RAD51B: variants seen among roughly 807,000 people sequenced by gnomAD.
The protein encoded by RAD51B is RAD51 paralog B, also known as DNA repair protein RAD51 homolog 2.
RAD51B carries 38 observed loss-of-function variants against 42.2 expected under a neutral mutation model. That is an observed-to-expected ratio of 0.90 (90% CI 0.70 to 1.18). The LOEUF (loss-of-function observed/expected upper bound fraction) is 1.18, where lower values mean the gene tolerates loss of function less well. RAD51B is among the 50% of genes most tolerant of loss of function. The pLI is 0.00. For missense variants in RAD51B, 373 were observed against 400.7 expected (o/e 0.93, Z 0.59); for synonymous variants, 154 against 145.2 (o/e 1.06, Z -0.43).
chr14:68,029,809 C>T (rs901451088), intron 7 of RAD51B, among the ~76,000 whole-genome samples: 3 of 152,154 alleles, frequency 2.0e-5, no homozygotes, highest in Admixed American at 2.0e-4. Flanking sequence ...GTATCTGTGG[C>T]ACTTACAGCC....
Position 68,074,348 on chromosome 14 carries a change from T to A in RAD51B, c.756+187144T>A, listed in dbSNP as rs185627613. 3.0e-3 allele frequency among the ~76,000 whole-genome samples: 451 copies of A among 150,160 alleles called. 2 individuals are homozygous for A. Among genetic ancestry groups the A allele is most frequent in the African/African-American group, 0.011 (433 of 39,466 alleles). On this transcript the variant is annotated intron_variant, in intron 7 of 10. Coordinates refer to ENST00000471583, the MANE Select transcript of RAD51B (RefSeq NM_133510.4). ...TACTTCCCTTTGTGTTATGAAAATC[T>A]TGTAGTGAGTTTTTCAGCTTTATCA...
intron 9 of RAD51B, among the ~76,000 whole-genome samples, chr14:68,445,810 C>T (rs1453541770): frequency 1.3e-5 from 2 of 152,154 alleles, no homozygotes; most frequent in Admixed American, 1.3e-4. Flanking sequence ...AGCAGGTATA[C>T]AGAAAGTGAT....
At chr14:68,180,531 G>A (rs959412597) in intron 7 of RAD51B, among the ~76,000 whole-genome samples, 3 of 152,108 alleles carry the variant, frequency 2.0e-5, no homozygotes, top group Non-Finnish European at 1.5e-5. Flanking sequence ...GCACGATAAG[G>A]TTATATATTT....
intron 10 of RAD51B, among the ~76,000 whole-genome samples, chr14:68,509,291 G>T (rs78505310): frequency 0.035 from 5,276 of 152,316 alleles, 288 homozygotes; most frequent in African/African-American, 0.12. Flanking sequence ...AGGGAGCATT[G>T]CCATGTTAAA....
chr14:68,072,216 A>ATATATATATG (rs2076763330), intron 7 of RAD51B, among the ~76,000 whole-genome samples: 1 of 143,234 alleles, frequency 7.0e-6, no homozygotes, highest in Non-Finnish European at 1.5e-5. Context: ...GGTTTTATAT[A>ATATATATATG]TATATATAAA....
At chr14:68,606,159 G>A (rs1452797862) in intron 10 of RAD51B, among the ~76,000 whole-genome samples, 1 of 152,240 alleles carries the variant, frequency 6.6e-6, no homozygotes. Context: ...GTGATTCTAA[G>A]GTGCAGCCTA....
At chr14:68,493,026 A>C (rs1045376521) in intron 10 of RAD51B, among the ~76,000 whole-genome samples, 2 of 152,088 alleles carry the variant, frequency 1.3e-5, no homozygotes, top group Non-Finnish European at 2.9e-5. Context: ...CATCCCTCCG[A>C]GCTTCCCTGA....
intron 7 of RAD51B, among the ~76,000 whole-genome samples, chr14:68,040,323 A>T (rs952427446): frequency 2.6e-5 from 4 of 152,202 alleles, no homozygotes; most frequent in Non-Finnish European, 5.9e-5. Context: ...ACTGAGTATC[A>T]TCCTCACCAT....
intron 7 of RAD51B, among the ~76,000 whole-genome samples, chr14:68,238,980 C>G (rs1167221535): frequency 6.6e-5 from 10 of 152,196 alleles, no homozygotes; most frequent in African/African-American, 2.4e-4. Context: ...TCAGGAGACA[C>G]TAGTTCTACA....
chr14:68,066,431 T>C (rs1234743367), intron 7 of RAD51B, among the ~76,000 whole-genome samples: 1 of 152,214 alleles, frequency 6.6e-6, no homozygotes, highest in Admixed American at 6.5e-5. Flanking sequence ...ATCCTATTTT[T>C]AAACTAACAT....
chr14:67,998,917 G>T (rs1027543681), intron 7 of RAD51B, among the ~76,000 whole-genome samples: 2 of 152,128 alleles, frequency 1.3e-5, no homozygotes, highest in Admixed American at 6.6e-5. Context: ...GGGGAACCCT[G>T]TGTAGATTTC....
chr14:68,281,255 A>G (rs2081315004), intron 7 of RAD51B, among the ~76,000 whole-genome samples: 1 of 152,184 alleles, frequency 6.6e-6, no homozygotes. Context: ...AACCATGAGA[A>G]ATAGAGAAAT....
chr14:68,305,085 G>A (rs1465930517), intron 8 of RAD51B, among the ~76,000 whole-genome samples: 1 of 152,160 alleles, frequency 6.6e-6, no homozygotes, highest in Non-Finnish European at 1.5e-5. Context: ...AAAATATGAA[G>A]TGGGTTCTAG....
At chr14:68,387,865 T>A (rs1175912766) in intron 8 of RAD51B, among the ~76,000 whole-genome samples, 4 of 152,106 alleles carry the variant, frequency 2.6e-5, no homozygotes, top group Admixed American at 6.5e-5. Context: ...GTGTAAAATA[T>A]GCACTGAATT....
chr14:67,977,213 C>T, intron 7 of RAD51B, among the ~76,000 whole-genome samples: 1 of 152,160 alleles, frequency 6.6e-6, no homozygotes, highest in Non-Finnish European at 1.5e-5. Flanking sequence ...TTACTTCTCG[C>T]ATCTTTATTG....
intron 8 of RAD51B, among the ~76,000 whole-genome samples, chr14:68,410,914 T>C (rs1389899669): frequency 6.6e-6 from 1 of 151,192 alleles, no homozygotes; most frequent in Admixed American, 6.6e-5. Flanking sequence ...TGAGATCTTC[T>C]AGATTCCTTT....
At chr14:68,619,171 T>C (rs2140114132) in intron 10 of RAD51B, among the ~76,000 whole-genome samples, 2 of 152,258 alleles carry the variant, frequency 1.3e-5, no homozygotes, top group Middle Eastern at 6.8e-3. Context: ...ATCAATAGAA[T>C]GAGTAAATTA....
intron 10 of RAD51B, among the ~76,000 whole-genome samples, chr14:68,621,167 C>T (rs186538438): frequency 2.8e-4 from 43 of 152,264 alleles, no homozygotes; most frequent in African/African-American, 9.6e-4. Flanking sequence ...TTCATTCATC[C>T]ATCCACCCAC....
chr14:68,005,980 GA>G (rs1326069475), intron 7 of RAD51B, among the ~76,000 whole-genome samples: 1 of 152,136 alleles, frequency 6.6e-6, no homozygotes, highest in Admixed American at 6.5e-5. Flanking sequence ...AGAGAGAGAG[GA>G]AGGAGGTGAT....
Sources: allele counts gnomAD v4.1 joint callset (sites outside exome capture counted in the v4.1 genomes callset), GRCh38; gene constraint gnomAD v4.1.1; transcripts MANE v1.5; gene names NCBI Gene and HGNC (gene_info 2026-07-23, HGNC 2026-07-21).